Variants in ANOS1 observed in about 807,000 individuals in gnomAD.
The protein encoded by ANOS1 is anosmin 1.
ANOS1 carries 6 observed loss-of-function variants against 59.0 expected under a neutral mutation model. That is an observed-to-expected ratio of 0.10 (90% CI 0.06 to 0.20). ANOS1 has a LOEUF of 0.20. Ranked by LOEUF, ANOS1 falls within the 10% of genes least tolerant of loss-of-function variation. ANOS1 has a pLI of 1.00. For missense variants in ANOS1, 433 were observed against 542.3 expected, an observed-to-expected ratio of 0.80 and a Z score of 2.00; for synonymous variants, 217 against 223.4, an observed-to-expected ratio of 0.97 and a Z score of 0.25.
At chrX:8,689,666 C>T (rs1253482349) in intron 2 of ANOS1, among the ~76,000 whole-genome samples, 1 of 109,804 alleles carries the variant, frequency 9.1e-6, no homozygotes, top group Admixed American at 9.8e-5. Flanking sequence ...CGAGATGGTG[C>T]CACTGCACTT....
chrX:8,630,612 A>C (rs1721886543), intron 2 of ANOS1, among the ~76,000 whole-genome samples: 1 of 111,801 alleles, frequency 8.9e-6, no homozygotes, highest in Admixed American at 9.5e-5. Flanking sequence ...TAAGGATAAT[A>C]TTGAATGTAT....
intron 4 of ANOS1, among the ~76,000 whole-genome samples, chrX:8,593,306 G>A (rs1436092585): frequency 2.7e-5 from 3 of 111,676 alleles, no homozygotes; most frequent in Non-Finnish European, 5.6e-5. Context: ...TAGGCACTCC[G>A]TAAATGTGTA....
chrX:8,621,349 GA>G (rs35055019), intron 3 of ANOS1, among the ~76,000 whole-genome samples: 15 of 98,153 alleles, frequency 1.5e-4, no homozygotes, highest in South Asian at 4.9e-4. Context: ...ATGGGAAACC[GA>G]AAAAAAAAAA....
At chrX:8,667,245 C>G (rs1468553941) in intron 2 of ANOS1, among the ~76,000 whole-genome samples, 1 of 110,493 alleles carries the variant, frequency 9.1e-6, no homozygotes, top group Non-Finnish European at 1.9e-5. Flanking sequence ...CCTTCCCGTA[C>G]TGGACAAATG....
intron 9 of ANOS1, among the ~76,000 whole-genome samples, chrX:8,545,426 A>T (rs1255015344): frequency 9.1e-6 from 1 of 110,197 alleles, no homozygotes; most frequent in Non-Finnish European, 1.9e-5. Flanking sequence ...GCAGGCAGGC[A>T]GGCAGGCCAG....
At chrX:8,609,857 A>G (rs992415944) in intron 3 of ANOS1, among the ~76,000 whole-genome samples, 14 of 107,059 alleles carry the variant, frequency 1.3e-4, no homozygotes, top group African/African-American at 4.4e-4. Flanking sequence ...AATACAAAAA[A>G]TTAGCTGGGC....
intron 2 of ANOS1, among the ~76,000 whole-genome samples, chrX:8,631,962 A>G (rs1931497112): frequency 8.9e-6 from 1 of 112,141 alleles, no homozygotes; most frequent in Non-Finnish European, 1.9e-5. Flanking sequence ...GACAATGATC[A>G]TGTGGCATGT....
intron 3 of ANOS1, among the ~76,000 whole-genome samples, chrX:8,612,041 C>T (rs1931067814): frequency 1.8e-5 from 2 of 111,466 alleles, no homozygotes; most frequent in African/African-American, 6.5e-5. Flanking sequence ...ACTAAGAATA[C>T]AAATGAAGGG....
rs1212956404 is a variant in ANOS1, at chrX:8,596,922, A to C, written c.541+112T>G. ...TATGTGGTATAAAATAAATTTTCTA[A>C]AGATTTTATGTTTTTTAGACTTTTC... is the stretch of plus-strand genomic sequence containing the variant. On this transcript the variant is annotated intron_variant, in intron 4 of 13. Transcript: ENST00000262648. 6.3e-6 allele frequency: 7 copies of C among 1,118,636 alleles called. No individual in the cohort carries two copies. In the East Asian group the frequency reaches 2.3e-4, roughly 37 times the overall value. 92.2% of individuals were successfully genotyped at this position (1,118,636 alleles called of 1,213,427 possible). A position where few individuals can be genotyped will look rare whatever the true frequency, so the allele number is the denominator to read the frequency against.
chrX:8,566,016 G>A (rs751139385), intron 8 of ANOS1: 17 of 752,915 alleles, frequency 2.3e-5, no homozygotes, highest in South Asian at 1.4e-4. Flanking sequence ...CTTTCCTCAC[G>A]CTGAGTTCTC....
At chrX:8,672,516 C>T (rs1602017784) in intron 2 of ANOS1, among the ~76,000 whole-genome samples, 1 of 112,560 alleles carries the variant, frequency 8.9e-6, no homozygotes, top group African/African-American at 3.2e-5. Flanking sequence ...TTATCTCTGT[C>T]AGTGGCCAGG....
intron 6 of ANOS1, among the ~76,000 whole-genome samples, chrX:8,575,956 A>T (rs1930313383): frequency 9.0e-6 from 1 of 110,817 alleles, no homozygotes; most frequent in Non-Finnish European, 1.9e-5. Context: ...AAAAAATTTT[A>T]AATTAGCTGG....
intron 9 of ANOS1, among the ~76,000 whole-genome samples, chrX:8,549,587 A>T (rs1224096422): frequency 8.9e-6 from 1 of 112,449 alleles, no homozygotes; most frequent in Non-Finnish European, 1.9e-5. Flanking sequence ...GGCTGGGCTC[A>T]GAGGCTCTTT....
At chrX:8,663,113 C>T (rs912797343) in intron 2 of ANOS1, among the ~76,000 whole-genome samples, 3 of 111,793 alleles carry the variant, frequency 2.7e-5, no homozygotes, top group African/African-American at 9.8e-5. Flanking sequence ...GAACTCATCC[C>T]TCCCTCATAG....
At chrX:8,533,201 AC>A (rs1439008425) in intron 13 of ANOS1, 148 bp from the exon 14 acceptor site, 26 of 468,650 alleles carry the variant, frequency 5.5e-5, no homozygotes, top group Admixed American at 8.9e-5. Context: ...TGAATGTACA[AC>A]CACACTCTTT....
rs186892681 is a variant in ANOS1 at position 8,603,007 on chromosome X, G to A, written c.319-5751C>T. On this transcript the variant is annotated intron_variant, in intron 3 of 13. Transcript: ENST00000262648. ...GCCTGCCTTGGCCTCCCAAAGTGCT[G>A]GGATTACAGGCGTGAGCCACCGCAC... Among the ~76,000 whole-genome samples, 485 of 111,854 alleles carry A rather than the reference G, an allele frequency of 4.3e-3. 1 individual carries two copies. Among genetic ancestry groups the A allele is most frequent in the Non-Finnish European group, 7.2e-3 (384 of 53,143 alleles).
In ANOS1 at chrX:8,727,670, A is replaced by T. The variant is rs1033690042; in HGVS notation, c.207+4160T>A. Among the ~76,000 whole-genome samples, 3 of 112,211 alleles carry T rather than the reference A, an allele frequency of 2.7e-5. No individual in the cohort carries two copies. The Admixed American group carries it at 2.8e-4, about 11-fold the overall frequency. On this transcript the variant is annotated intron_variant, in intron 1 of 13. Coordinates refer to ENST00000262648, the MANE Select transcript of ANOS1 (RefSeq NM_000216.4). ...AGGCAAAAGAGGGGACCTGGCCAGC[A>T]TCATGCCTGAGCACATGTGTCTGAG...
At chrX:8,569,734 A>G (rs1930193988) in intron 7 of ANOS1, among the ~76,000 whole-genome samples, 1 of 112,436 alleles carries the variant, frequency 8.9e-6, no homozygotes, top group South Asian at 3.7e-4. Flanking sequence ...AAGAGCACAG[A>G]TATTGAAATC....
intron 6 of ANOS1, among the ~76,000 whole-genome samples, chrX:8,582,265 A>G (rs1930438998): frequency 8.9e-6 from 1 of 112,740 alleles, no homozygotes; most frequent in Non-Finnish European, 1.9e-5. Context: ...ACATATAAGT[A>G]GCATGGCTAA....
Sources: gnomAD v4.1 joint callset for allele counts (sites outside exome capture counted in the v4.1 genomes callset) on GRCh38, gnomAD v4.1.1 for gene constraint, MANE v1.5 for transcripts, NCBI Gene and HGNC (gene_info 2026-07-23, HGNC 2026-07-21) for gene names.